Variants in ADAMTS17 observed in about 807,000 individuals in gnomAD.
ADAMTS17 encodes ADAM metallopeptidase with thrombospondin type 1 motif 17, also known as A disintegrin and metalloproteinase with thrombospondin motifs 17.
ADAMTS17 carries 113 observed loss-of-function variants against 141.5 expected under a neutral mutation model. The observed-to-expected ratio is 0.80, with a 90% CI of 0.69 to 0.93. ADAMTS17 has a LOEUF of 0.93. ADAMTS17 is among the 40% of genes least tolerant of loss of function. The probability of loss-of-function intolerance (pLI) is 0.00; values close to 1 mark genes in which losing one functional copy is unlikely to be tolerated. For missense variants in ADAMTS17, 1,659 were observed against 1,517.9 expected (o/e 1.09, Z -1.54); for synonymous variants, 768 against 630.6 (o/e 1.22, Z -3.27).
At chr15:100,258,547 G>A (rs1324869794) in intron 6 of ADAMTS17, among the ~76,000 whole-genome samples, 1 of 152,192 alleles carries the variant, frequency 6.6e-6, no homozygotes, top group East Asian at 1.9e-4. Flanking sequence ...TCACATGGCA[G>A]CAGGCAGGGG....
chr15:100,053,967 C>A lies in ADAMTS17; in HGVS notation c.2225G>T (p.Arg742Leu). The A allele has an allele frequency of 6.2e-7, 1 of 1,614,154 alleles. No homozygotes were observed. Among genetic ancestry groups the A allele is most frequent in the South Asian group, 1.1e-5 (1 of 91,074 alleles). The change falls in exon 16 of 22, where the codon CGC becomes CTC. Residue 742 changes from arginine (R) to leucine (L), a missense_variant. By Grantham distance (102) the Arg-to-Leu change is moderately radical (BLOSUM62 -2). Transcript: ENST00000268070. Reference protein sequence around the residue: ...GEFQIAGTTVRYVRRGLWEKI... With the variant: ...GEFQIAGTTVLYVRRGLWEKI... Reference sequence around the variant, plus strand: ...CTCCCACAGCCCCCTTCTCACATAGCGAACAGTTGTGCCTGCAATCTGGAA... The same window carrying A: ...CTCCCACAGCCCCCTTCTCACATAGAGAACAGTTGTGCCTGCAATCTGGAA...
At chr15:100,156,524 C>T (rs1420600792) in intron 8 of ADAMTS17, among the ~76,000 whole-genome samples, 4 of 152,218 alleles carry the variant, frequency 2.6e-5, no homozygotes, top group Non-Finnish European at 4.4e-5. Flanking sequence ...TGACTTCCCC[C>T]GTCAGTGGAG....
chr15:100,312,788 T>G (rs1782816619), intron 3 of ADAMTS17, among the ~76,000 whole-genome samples: 2 of 152,062 alleles, frequency 1.3e-5, no homozygotes, highest in Admixed American at 1.3e-4. Context: ...AAAAGGTCAC[T>G]CCATACAGTC....
intron 18 of ADAMTS17, among the ~76,000 whole-genome samples, chr15:100,011,591 G>A (rs1421570643): frequency 6.6e-6 from 1 of 152,056 alleles, no homozygotes; most frequent in South Asian, 2.1e-4. Context: ...CTTCCTATGT[G>A]CCAGGCAATG....
chr15:100,325,950 C>T (rs2045886774), intron 3 of ADAMTS17, among the ~76,000 whole-genome samples: 1 of 152,192 alleles, frequency 6.6e-6, no homozygotes, highest in South Asian at 2.1e-4. Context: ...CTTGATCCCA[C>T]ACTTTTGGCC....
chr15:100,341,413 CG>C lies in ADAMTS17; in HGVS notation c.80-5del. The C allele has an allele frequency of 9.8e-7, 1 of 1,016,136 alleles. No homozygotes were observed. Among genetic ancestry groups the C allele is most frequent in the Non-Finnish European group, 1.2e-6 (1 of 851,722 alleles). 62.9% of individuals were successfully genotyped at this position (1,016,136 alleles called of 1,614,324 possible). On this transcript the variant is annotated splice_region_variant and splice_polypyrimidine_tract_variant and intron_variant, in intron 1 of 21. Transcript: ENST00000268070. ...TCGGCCGCCGCGTCGCCGACAGCTG[CG>C]GGGAGAGAGGAGACGCGTCAGCGCG... is the stretch of plus-strand genomic sequence containing the variant.
At chr15:100,188,217 C>CAG (rs1300249963) in intron 8 of ADAMTS17, among the ~76,000 whole-genome samples, 1 of 151,966 alleles carries the variant, frequency 6.6e-6, no homozygotes, top group African/African-American at 2.4e-5. Context: ...GCTGGAATTA[C>CAG]AGGCATGCAC....
chr15:100,195,710 C>A (rs1286296188), intron 8 of ADAMTS17, among the ~76,000 whole-genome samples: 1 of 151,638 alleles, frequency 6.6e-6, no homozygotes, highest in African/African-American at 2.4e-5. Context: ...CTAGGGAACC[C>A]CTCTCCATGA....
intron 3 of ADAMTS17, among the ~76,000 whole-genome samples, chr15:100,290,762 TTTCTA>T (rs1237185241): frequency 6.6e-6 from 1 of 152,206 alleles, no homozygotes; most frequent in Non-Finnish European, 1.5e-5. Flanking sequence ...GGGAAAGGAC[TTTCTA>T]TTCAATAAAT....
intron 7 of ADAMTS17, among the ~76,000 whole-genome samples, chr15:100,218,578 G>C (rs1345448043): frequency 6.6e-6 from 1 of 152,160 alleles, no homozygotes; most frequent in Admixed American, 6.5e-5. Context: ...GATGGGTGTT[G>C]GCAAGAATGC....
intron 18 of ADAMTS17, among the ~76,000 whole-genome samples, chr15:100,045,510 A>G (rs1585933): frequency 0.25 from 38,206 of 152,070 alleles, 5,126 homozygotes; most frequent in East Asian, 0.49. Context: ...GTCTCAGTTC[A>G]GGTCTTCTAG....
intron 18 of ADAMTS17, among the ~76,000 whole-genome samples, chr15:100,037,545 A>C (rs2030857405): frequency 6.6e-6 from 1 of 151,818 alleles, no homozygotes; most frequent in Non-Finnish European, 1.5e-5. Context: ...AGTAGCTGAG[A>C]CTACAGACAT....
intron 18 of ADAMTS17, among the ~76,000 whole-genome samples, chr15:100,009,012 T>C (rs2061100626): frequency 6.6e-6 from 1 of 152,106 alleles, no homozygotes; most frequent in Admixed American, 6.5e-5. Flanking sequence ...GCTAATTTTT[T>C]GATTTTCTGT....
At chr15:100,178,276 T>C (rs973239873) in intron 8 of ADAMTS17, among the ~76,000 whole-genome samples, 7 of 152,084 alleles carry the variant, frequency 4.6e-5, no homozygotes, top group African/African-American at 1.7e-4. Context: ...TCAATTAGAG[T>C]TTGATTTTGA....
chr15:100,155,104 G>A, intron 9 of ADAMTS17, 76 bp downstream of exon 9: 1 of 1,604,994 alleles, frequency 6.2e-7, no homozygotes, highest in Non-Finnish European at 8.5e-7. Flanking sequence ...CTTCACACTT[G>A]CTGAGACTCC....
At chr15:100,229,408 T>C (rs2042408400) in intron 7 of ADAMTS17, among the ~76,000 whole-genome samples, 1 of 152,146 alleles carries the variant, frequency 6.6e-6, no homozygotes, top group Non-Finnish European at 1.5e-5. Flanking sequence ...ATTCCTGCCT[T>C]ACAAATCTCT....
intron 20 of ADAMTS17, among the ~76,000 whole-genome samples, chr15:99,982,873 G>A (rs540093057): frequency 3.9e-5 from 6 of 152,310 alleles, no homozygotes; most frequent in African/African-American, 9.6e-5. Flanking sequence ...CGGTGGAGAG[G>A]CAGCCTCTGC....
At chr15:100,199,050 T>C (rs914792226) in intron 8 of ADAMTS17, among the ~76,000 whole-genome samples, 1 of 152,226 alleles carries the variant, frequency 6.6e-6, no homozygotes, top group Non-Finnish European at 1.5e-5. Flanking sequence ...AATAAGGACA[T>C]CCTGAGAGGA....
intron 3 of ADAMTS17, among the ~76,000 whole-genome samples, chr15:100,294,073 T>C (rs1355914434): frequency 6.6e-6 from 1 of 152,142 alleles, no homozygotes; most frequent in East Asian, 1.9e-4. Context: ...CCTCTTAAGG[T>C]AGATGTGGGA....
Sources: gnomAD v4.1 joint callset for allele counts (sites outside exome capture counted in the v4.1 genomes callset) on GRCh38, gnomAD v4.1.1 for gene constraint, MANE v1.5 for transcripts, NCBI Gene and HGNC (gene_info 2026-07-23, HGNC 2026-07-21) for gene names.